Variants in MDGA2 observed in about 807,000 individuals in gnomAD.
MDGA2 encodes the protein MAM domain-containing glycosylphosphatidylinositol anchor protein 2.
MDGA2 carries 40 observed loss-of-function variants against 117.8 expected under a neutral mutation model. The observed-to-expected ratio is 0.34, with a 90% CI of 0.26 to 0.44. MDGA2 has a LOEUF of 0.44. Among genes scored for constraint, MDGA2 ranks in the 20% least tolerant of loss-of-function variants. The pLI, the probability that MDGA2 is intolerant of heterozygous loss-of-function variation, is 1.00. For missense variants in MDGA2, 1,123 were observed against 1,250.6 expected (o/e 0.90, Z 1.54); for synonymous variants, 452 against 439.0 (o/e 1.03, Z -0.37).
intron 1 of MDGA2, among the ~76,000 whole-genome samples, chr14:47,622,377 G>C (rs571438689): frequency 1.3e-5 from 2 of 152,314 alleles, no homozygotes; most frequent in East Asian, 3.9e-4. Context: ...CATTGAGTTA[G>C]AGAAATCATG....
intron 1 of MDGA2, among the ~76,000 whole-genome samples, chr14:47,371,286 C>T (rs1052546369): frequency 6.6e-5 from 10 of 151,374 alleles, no homozygotes; most frequent in Non-Finnish European, 1.2e-4. Context: ...TCTAATGCAC[C>T]GAAAGAATTT....
At chr14:47,397,315 C>A (rs1190516588) in intron 1 of MDGA2, among the ~76,000 whole-genome samples, 1 of 152,036 alleles carries the variant, frequency 6.6e-6, no homozygotes, top group Non-Finnish European at 1.5e-5. Flanking sequence ...TAACAAGACA[C>A]ACTGGGGCCT....
chr14:47,474,104 T>G (rs149509634), intron 1 of MDGA2, among the ~76,000 whole-genome samples: 1 of 152,230 alleles, frequency 6.6e-6, no homozygotes, highest in African/African-American at 2.4e-5. Flanking sequence ...CCTAAAAGCT[T>G]CTTAAGCTGA....
chr14:47,553,749 A>AAG (rs1895631764), intron 1 of MDGA2, among the ~76,000 whole-genome samples: 2 of 152,316 alleles, frequency 1.3e-5, no homozygotes, highest in African/African-American at 4.8e-5. Flanking sequence ...TTCATAATAG[A>AAG]AAAAATATGG....
intron 8 of MDGA2, among the ~76,000 whole-genome samples, chr14:46,970,949 C>T (rs1474941321): frequency 1.3e-5 from 2 of 152,032 alleles, no homozygotes; most frequent in African/African-American, 4.8e-5. Context: ...CTCAACATCA[C>T]TAATCATTAG....
rs112599912 is a variant in MDGA2 at position 47,346,911 on chromosome 14, G to A, written c.281-45361C>T. ...TTTAGATGGTGAAGTATACAGAGTG[G>A]GAACGGTTCAGTGTGTCTTTTTAAG... On this transcript the variant is annotated intron_variant, in intron 1 of 16. Transcript: ENST00000399232. 5.5e-4 allele frequency among the ~76,000 whole-genome samples: 84 copies of A among 152,224 alleles called. 2 individuals are homozygous for A. The highest frequency in any genetic ancestry group is 2.0e-3 in the African/African-American group (82 of 41,530).
At chr14:47,008,489 T>A (rs1887787930) in intron 8 of MDGA2, among the ~76,000 whole-genome samples, 1 of 151,872 alleles carries the variant, frequency 6.6e-6, no homozygotes, top group Non-Finnish European at 1.5e-5. Flanking sequence ...TCCCTTGGTT[T>A]CTACAGTTAA....
chr14:47,137,765 G>A (rs1882527833), intron 4 of MDGA2, among the ~76,000 whole-genome samples: 1 of 152,060 alleles, frequency 6.6e-6, no homozygotes, highest in Admixed American at 6.6e-5. Flanking sequence ...AGACAAAAAA[G>A]AAAGAAAAGC....
At chr14:47,403,387 AC>A (rs1892195060) in intron 1 of MDGA2, among the ~76,000 whole-genome samples, 1 of 150,258 alleles carries the variant, frequency 6.7e-6, no homozygotes, top group African/African-American at 2.5e-5. Flanking sequence ...TTCTTTGTAA[AC>A]TCCCCTTTTA....
chr14:47,452,121 G>C (rs1475252440), intron 1 of MDGA2, among the ~76,000 whole-genome samples: 1 of 152,062 alleles, frequency 6.6e-6, no homozygotes, highest in Non-Finnish European at 1.5e-5. Context: ...AAGCAGCATT[G>C]AGTGGTAACA....
At chr14:46,919,801 A>C (rs1172910775) in intron 10 of MDGA2, among the ~76,000 whole-genome samples, 1 of 152,220 alleles carries the variant, frequency 6.6e-6, no homozygotes, top group African/African-American at 2.4e-5. Context: ...AGTGAAAAAT[A>C]TGTAATTTCA....
chr14:47,674,780 G>A lies in MDGA2; in HGVS notation c.17C>T (p.Ala6Val), dbSNP rs1339554778. The change falls in exon 1 of 17, where the codon GCG becomes GTG. Residue 6 changes from alanine (A) to valine (V), a missense_variant. Transcript: ENST00000399232. ...GCGGCGAGCGGAGCGCAGGAGCCCC[G>A]CACTCCACACACTCATGCACACACA... MSVWSAGLLRSARRRR... is the reference protein window; with the variant it reads MSVWSVGLLRSARRRR... 4.3e-6 allele frequency: 3 copies of A among 690,794 alleles called. No homozygotes were observed. Among genetic ancestry groups the A allele is most frequent in the South Asian group, 3.0e-5 (2 of 66,024 alleles). The allele number at this position is 690,794 out of a possible 1,614,324, so 42.8% of individuals were successfully genotyped here. A position where few individuals can be genotyped will look rare whatever the true frequency, so the allele number is the denominator to read the frequency against.
chr14:46,936,674 A>G (rs1884792591), intron 9 of MDGA2, among the ~76,000 whole-genome samples: 1 of 152,076 alleles, frequency 6.6e-6, no homozygotes, highest in Non-Finnish European at 1.5e-5. Flanking sequence ...GACAAAAACC[A>G]TATGATCATC....
chr14:47,243,229 TCTAA>T (rs1026726663), intron 2 of MDGA2, among the ~76,000 whole-genome samples: 1 of 151,396 alleles, frequency 6.6e-6, no homozygotes, highest in Non-Finnish European at 1.5e-5. Context: ...CTAAACTCTA[TCTAA>T]CTAATCTGGT....
rs1882568210 is a variant in MDGA2 at position 46,884,002 on chromosome 14, T to G, written c.2239-1781A>C. Reference sequence around the variant, plus strand: ...ATGGGGCTTTTCTCCTTTTATTTGCTTGGTTATTTTTCACTGGTGCTGATA... The same window carrying G: ...ATGGGGCTTTTCTCCTTTTATTTGCGTGGTTATTTTTCACTGGTGCTGATA... On this transcript the variant is annotated intron_variant, in intron 10 of 16. Transcript: ENST00000399232. The surrounding 1 kb of genome is among the most constrained non-coding windows in gnomAD (Gnocchi z 4.1). 6.6e-6 allele frequency among the ~76,000 whole-genome samples: 1 copy of G among 152,122 alleles called. No individual in the cohort carries two copies.
chr14:47,587,279 T>G (rs1896342992), intron 1 of MDGA2, among the ~76,000 whole-genome samples: 2 of 151,898 alleles, frequency 1.3e-5, no homozygotes, highest in African/African-American at 2.4e-5. Context: ...CCTGCACGTG[T>G]ACCCCAGAAC....
chr14:47,244,046 G>C (rs548998217), intron 2 of MDGA2, among the ~76,000 whole-genome samples: 2 of 151,846 alleles, frequency 1.3e-5, no homozygotes, highest in Non-Finnish European at 2.9e-5. Flanking sequence ...GCATTTAGCA[G>C]GCTTGATAAT....
At chr14:47,082,876 C>A in intron 6 of MDGA2, among the ~76,000 whole-genome samples, 1 of 150,978 alleles carries the variant, frequency 6.6e-6, no homozygotes, top group African/African-American at 2.4e-5. Context: ...TAATTGGAAC[C>A]TATAAAACTA....
chr14:46,922,875 C>A (rs1402580626), intron 9 of MDGA2, among the ~76,000 whole-genome samples: 2 of 152,136 alleles, frequency 1.3e-5, no homozygotes, highest in African/African-American at 4.8e-5. Flanking sequence ...TCAGATAATG[C>A]GGATGGAGCG....
Sources: gnomAD v4.1 joint callset for allele counts (sites outside exome capture counted in the v4.1 genomes callset) on GRCh38, gnomAD v4.1.1 for gene constraint, Gnocchi (gnomAD v3.1) non-coding constraint, MANE v1.5 for transcripts, NCBI Gene and HGNC (gene_info 2026-07-23, HGNC 2026-07-21) for gene names.